TYW1: variants seen among roughly 807,000 people sequenced by gnomAD.
TYW1 encodes the protein S-adenosyl-L-methionine-dependent tRNA 4-demethylwyosine synthase TYW1.
Under a neutral mutation model 96.2 loss-of-function variants are expected in TYW1, and 46 were observed. The ratio of observed to expected loss-of-function variants is 0.48; its 90% CI spans 0.38 to 0.61. TYW1 has a LOEUF of 0.61. Ranked by LOEUF, TYW1 falls within the 20% of genes least tolerant of loss-of-function variation. TYW1 has a pLI of 0.00. For missense variants in TYW1, 684 were observed against 909.6 expected (o/e 0.75, Z 3.19); for synonymous variants, 274 against 323.0 (o/e 0.85, Z 1.63).
intron 11 of TYW1, among the ~76,000 whole-genome samples, chr7:67,088,165 C>G (rs1347770675): frequency 1.1e-4 from 16 of 151,982 alleles, no homozygotes; most frequent in African/African-American, 1.2e-4. Flanking sequence ...GTGTCTGGCT[C>G]TCATTTGTTA....
At chr7:67,059,812 A>G (rs1229143959) in intron 9 of TYW1, among the ~76,000 whole-genome samples, 10 of 151,712 alleles carry the variant, frequency 6.6e-5, no homozygotes, top group Admixed American at 5.9e-4. Flanking sequence ...TTTCTCTGTC[A>G]CCCAGGCTGG....
chr7:67,228,355 G>C (rs151039609), intron 15 of TYW1, among the ~76,000 whole-genome samples: 2 of 152,132 alleles, frequency 1.3e-5, no homozygotes, highest in Non-Finnish European at 2.9e-5. Context: ...AAAACCATCA[G>C]ATCTTGTGAG....
At position 67,179,904 on chromosome 7, in the gene TYW1, A is replaced by T. The variant is rs1203897975; in HGVS notation, c.1699-3222A>T. Among the ~76,000 whole-genome samples, 23 of 90,412 alleles carry T rather than the reference A, an allele frequency of 2.5e-4. 2 individuals carry two copies. The highest frequency in any genetic ancestry group is 5.4e-5 in the African/African-American group (1 of 18,372). 59.3% of individuals were successfully genotyped at this position (90,412 alleles called of 152,430 possible). On this transcript the variant is annotated intron_variant, in intron 13 of 15. Transcript: ENST00000359626. ...GCGGGGGACAGGGTCTTGCTGTGTCACCCAGGCTGGAGTGCGTTGGTGTGA... is the reference window on the plus strand; with the variant it reads ...GCGGGGGACAGGGTCTTGCTGTGTCTCCCAGGCTGGAGTGCGTTGGTGTGA...
intron 13 of TYW1, among the ~76,000 whole-genome samples, chr7:67,143,903 G>T (rs1798525510): frequency 6.6e-6 from 1 of 152,170 alleles, no homozygotes; most frequent in Admixed American, 6.5e-5. Flanking sequence ...CTAATTTTTT[G>T]ACTTAAAACC....
At chr7:67,201,383 C>T (rs544850888) in intron 15 of TYW1, among the ~76,000 whole-genome samples, 1 of 142,750 alleles carries the variant, frequency 7.0e-6, no homozygotes, top group Non-Finnish European at 1.5e-5. Flanking sequence ...CTGTTTCACC[C>T]TCAGGTCTAG....
chr7:67,208,551 G>A (rs1226807429), intron 15 of TYW1, among the ~76,000 whole-genome samples: 4 of 152,136 alleles, frequency 2.6e-5, no homozygotes, highest in South Asian at 2.1e-4. Flanking sequence ...TTAACCAGGC[G>A]TGGTGGCGCG....
chr7:67,093,508 G>C (rs1210719603), intron 11 of TYW1, among the ~76,000 whole-genome samples: 1 of 152,152 alleles, frequency 6.6e-6, no homozygotes, highest in Non-Finnish European at 1.5e-5. Flanking sequence ...TGGAGTTCAG[G>C]TTCAACCTGC....
intron 6 of TYW1, among the ~76,000 whole-genome samples, chr7:67,024,542 A>G (rs1794384570): frequency 1.3e-5 from 2 of 151,788 alleles, no homozygotes; most frequent in Admixed American, 1.3e-4. Context: ...GCACTTTGGG[A>G]GGCTGAGGTG....
At chr7:67,004,489 G>A (rs953863541) in intron 3 of TYW1, among the ~76,000 whole-genome samples, 1 of 152,148 alleles carries the variant, frequency 6.6e-6, no homozygotes, top group African/African-American at 2.4e-5. Context: ...CTTCTACTCT[G>A]CCAGGAGTAG....
chr7:67,098,846 G>T, intron 12 of TYW1, 128 bp downstream of exon 12: 1 of 1,072,412 alleles, frequency 9.3e-7, no homozygotes. Flanking sequence ...TTGGGCTTTG[G>T]GAGGTGAAGA....
chr7:67,086,700 G>A (rs1796557649), intron 11 of TYW1, among the ~76,000 whole-genome samples: 1 of 152,088 alleles, frequency 6.6e-6, no homozygotes, highest in Non-Finnish European at 1.5e-5. Flanking sequence ...ATTGGATGAG[G>A]TCCATCCACA....
rs1554376826 is a variant in TYW1, at chr7:67,149,722, A to ATTATCTATCTATC, written c.1698+32105_1698+32106insTATCTATCTATCT. Among the ~76,000 whole-genome samples the ATTATCTATCTATC allele has an allele frequency of 1.1e-4, 16 of 140,236 alleles. No individual in the cohort carries two copies. The East Asian group carries it at 3.2e-3, about 28-fold the overall frequency. 92.0% of individuals were successfully genotyped at this position (140,236 alleles called of 152,430 possible). ...GGAGCTTGTCAAAAAAGGAAAAAAA[A>ATTATCTATCTATC]TATCTATCTATCTATCTATCTATCT... On this transcript the variant is annotated intron_variant, in intron 13 of 15. Coordinates refer to ENST00000359626, the MANE Select transcript of TYW1 (RefSeq NM_018264.4).
At chr7:67,186,876 G>A (rs1164666354) in intron 14 of TYW1, among the ~76,000 whole-genome samples, 9 of 152,024 alleles carry the variant, frequency 5.9e-5, no homozygotes, top group Non-Finnish European at 1.0e-4. Flanking sequence ...ATATTTGTGA[G>A]CTCTCTCCAT....
chr7:67,142,832 AC>A (rs1482197414), intron 13 of TYW1, among the ~76,000 whole-genome samples: 2 of 152,044 alleles, frequency 1.3e-5, no homozygotes, highest in East Asian at 3.9e-4. Context: ...TGGGTGGATC[AC>A]CTGAGGTCAG....
chr7:67,167,468 C>CAA (rs869281504), intron 13 of TYW1, among the ~76,000 whole-genome samples: 820 of 78,776 alleles, frequency 0.01, 77 homozygotes, highest in African/African-American at 0.035. Flanking sequence ...GACTCTGTCT[C>CAA]AAAAAAAAAA....
At chr7:67,165,677 C>A (rs549183399) in intron 13 of TYW1, among the ~76,000 whole-genome samples, 66 of 152,278 alleles carry the variant, frequency 4.3e-4, no homozygotes, top group Admixed American at 1.4e-3. Flanking sequence ...CCTGTAATCC[C>A]AGCACTCTGG....
chr7:67,018,268 G>A lies in TYW1; in HGVS notation c.861+125G>A. The A allele has an allele frequency of 7.8e-6, 10 of 1,285,288 alleles. 1 individual carries two copies. In the South Asian group the frequency reaches 1.5e-4, roughly 20 times the overall value. The allele number at this position is 1,285,288 out of a possible 1,614,324, so 79.6% of individuals were successfully genotyped here. ...TAGAAGGAAGATCTGGCTGAGTGCA[G>A]TGGCTCGCACTTGTAATCCCCACAC... On this transcript the variant is annotated intron_variant, in intron 6 of 15. Transcript: ENST00000359626.
At chr7:67,105,153 G>A (rs1433768462) in intron 12 of TYW1, among the ~76,000 whole-genome samples, 2 of 152,220 alleles carry the variant, frequency 1.3e-5, no homozygotes, top group African/African-American at 4.8e-5. Context: ...ACTTCCCATG[G>A]ACCAAAGCTA....
At chr7:67,129,064 C>G (rs1797988708) in intron 13 of TYW1, among the ~76,000 whole-genome samples, 1 of 152,048 alleles carries the variant, frequency 6.6e-6, no homozygotes, top group Non-Finnish European at 1.5e-5. Context: ...TTTCTTCCCC[C>G]TTGGGACAGG....
Sources: gnomAD v4.1 joint callset for allele counts (sites outside exome capture counted in the v4.1 genomes callset) on GRCh38, gnomAD v4.1.1 for gene constraint, MANE v1.5 for transcripts, NCBI Gene and HGNC (gene_info 2026-07-23, HGNC 2026-07-21) for gene names.